Variants in ANKS1B observed in about 807,000 individuals in gnomAD.
ANKS1B encodes the protein ankyrin repeat and sterile alpha motif domain-containing protein 1B.
In ANKS1B, 36 loss-of-function variants were observed where a neutral mutation model predicts 148.3. The ratio of observed to expected loss-of-function variants is 0.24; its 90% CI spans 0.19 to 0.32. ANKS1B has a LOEUF of 0.32. Ranked by LOEUF, ANKS1B falls within the 10% of genes least tolerant of loss-of-function variation. The probability of loss-of-function intolerance (pLI) is 1.00; values close to 1 mark genes in which losing one functional copy is unlikely to be tolerated. For synonymous variants in ANKS1B, 542 were observed against 560.8 expected (o/e 0.97, Z 0.47); for missense variants, 1,157 against 1,542.6 (o/e 0.75, Z 4.19).
At chr12:98,966,128 A>G (rs1288199802) in intron 17 of ANKS1B, among the ~76,000 whole-genome samples, 1 of 152,194 alleles carries the variant, frequency 6.6e-6, no homozygotes, top group Admixed American at 6.5e-5. Flanking sequence ...AGAATGGGAG[A>G]AAATTTTTGC....
At chr12:99,154,964 A>C (rs2075832120) in intron 14 of ANKS1B, 1 of 1,535,270 alleles carries the variant, frequency 6.5e-7, no homozygotes, top group African/African-American at 1.4e-5. Flanking sequence ...GCTTCCTCCT[A>C]CACACCCATC....
intron 15 of ANKS1B, among the ~76,000 whole-genome samples, chr12:99,128,630 T>G (rs2065129035): frequency 6.6e-6 from 1 of 152,168 alleles, no homozygotes; most frequent in Non-Finnish European, 1.5e-5. Flanking sequence ...TCAAATTGGT[T>G]GAAATAAATC....
intron 9 of ANKS1B, among the ~76,000 whole-genome samples, chr12:99,640,421 G>A (rs533882370): frequency 1.3e-5 from 2 of 152,214 alleles, no homozygotes; most frequent in East Asian, 3.9e-4. Flanking sequence ...ACTATTAAAA[G>A]ATAATTAGAC....
At position 99,962,853 on chromosome 12, in the gene ANKS1B, G is replaced by A. The variant is rs184974293; in HGVS notation, c.134+21251C>T. 3.4e-4 allele frequency among the ~76,000 whole-genome samples: 46 copies of A among 135,724 alleles called. 1 individual carries two copies. The highest frequency in any genetic ancestry group is 1.2e-3 in the African/African-American group (42 of 35,796). The allele number at this position is 135,724 out of a possible 152,430, so 89.0% of individuals were successfully genotyped here. A position where few individuals can be genotyped will look rare whatever the true frequency, so the allele number is the denominator to read the frequency against. ...TTTTGAGACGGAGTCTCGCTCTGTC[G>A]CCCAGGCTGGAGTGCAGTGGCATGA... On this transcript the variant is annotated intron_variant, in intron 1 of 26. Coordinates refer to ENST00000683438, the MANE Select transcript of ANKS1B (RefSeq NM_001352186.2).
At chr12:99,505,416 T>C (rs2096700478) in intron 9 of ANKS1B, among the ~76,000 whole-genome samples, 1 of 151,942 alleles carries the variant, frequency 6.6e-6, no homozygotes. Flanking sequence ...TCTTTCCTTG[T>C]AAATACCATT....
At position 99,600,146 on chromosome 12, in the gene ANKS1B, GA is replaced by G. The variant is rs201619804; in HGVS notation, c.1272+54920del. ...AAATTATCTTATTAAAGTCAGCTCA[GA>G]AAAAAAAATAGAGCATTTAGTGTTC... On this transcript the variant is annotated intron_variant, in intron 9 of 26. Transcript: ENST00000683438. Among the ~76,000 whole-genome samples, 35 of 149,632 alleles carry G rather than the reference GA, an allele frequency of 2.3e-4. No homozygotes were observed. In the East Asian group the frequency reaches 6.5e-3, roughly 28 times the overall value.
At chr12:99,274,038 G>C (rs923564851) in intron 12 of ANKS1B, among the ~76,000 whole-genome samples, 1 of 152,018 alleles carries the variant, frequency 6.6e-6, no homozygotes, top group African/African-American at 2.4e-5. Flanking sequence ...TTATTTTTTA[G>C]GGCGGAGGAG....
At chr12:99,802,741 T>C (rs1239211769) in intron 4 of ANKS1B, among the ~76,000 whole-genome samples, 1 of 151,714 alleles carries the variant, frequency 6.6e-6, no homozygotes, top group Non-Finnish European at 1.5e-5. Flanking sequence ...AGTGAGACCT[T>C]TTCTCTACAA....
intron 14 of ANKS1B, chr12:99,155,135 A>G: frequency 6.7e-7 from 1 of 1,486,442 alleles, no homozygotes; most frequent in Non-Finnish European, 8.9e-7. Context: ...GACACCAGGA[A>G]ATGCGAAGCT....
At chr12:99,785,690 C>T (rs1401387630) in intron 4 of ANKS1B, among the ~76,000 whole-genome samples, 1 of 152,162 alleles carries the variant, frequency 6.6e-6, no homozygotes, top group African/African-American at 2.4e-5. Flanking sequence ...ACGTCAGCCT[C>T]CCAAAGTGCT....
chr12:99,054,173 C>T (rs969971953), intron 16 of ANKS1B, among the ~76,000 whole-genome samples: 23 of 152,080 alleles, frequency 1.5e-4, no homozygotes, highest in African/African-American at 5.6e-4. Context: ...CATGCCACGC[C>T]GTATATCTAA....
At chr12:99,318,621 G>T (rs888659469) in intron 12 of ANKS1B, among the ~76,000 whole-genome samples, 1 of 152,024 alleles carries the variant, frequency 6.6e-6, no homozygotes, top group Non-Finnish European at 1.5e-5. Context: ...CAAAAAACCA[G>T]CTCCTGGATT....
intron 14 of ANKS1B, among the ~76,000 whole-genome samples, chr12:99,216,159 T>G (rs1358599179): frequency 6.6e-6 from 1 of 152,244 alleles, no homozygotes; most frequent in Non-Finnish European, 1.5e-5. Context: ...GATGTGCCTT[T>G]GCACTTCGTT....
intron 14 of ANKS1B, among the ~76,000 whole-genome samples, chr12:99,211,992 A>T (rs2083402094): frequency 6.6e-6 from 1 of 152,196 alleles, no homozygotes; most frequent in South Asian, 2.1e-4. Context: ...TTCCCAGGCA[A>T]TTCAATCTGC....
intron 11 of ANKS1B, among the ~76,000 whole-genome samples, chr12:99,426,482 T>C (rs958926040): frequency 1.3e-5 from 2 of 150,570 alleles, no homozygotes; most frequent in Non-Finnish European, 3.0e-5. Context: ...CATACAACTG[T>C]TCTAAGAATT....
intron 14 of ANKS1B, among the ~76,000 whole-genome samples, chr12:99,174,776 T>C (rs996912010): frequency 2.0e-5 from 3 of 152,126 alleles, no homozygotes; most frequent in African/African-American, 4.8e-5. Context: ...CCCTTTATAT[T>C]TTACAAATAT....
intron 12 of ANKS1B, among the ~76,000 whole-genome samples, chr12:99,283,326 T>C (rs894131943): frequency 6.6e-6 from 1 of 152,180 alleles, no homozygotes; most frequent in Non-Finnish European, 1.5e-5. Context: ...TCCTCAAATA[T>C]GAACCCTATA....
At position 98,829,036 on chromosome 12, in the gene ANKS1B, G is replaced by T; in HGVS notation, c.3066+138C>A. The T allele has an allele frequency of 1.0e-6, 1 of 977,194 alleles. No homozygotes were observed. The highest frequency in any genetic ancestry group is 1.6e-6 in the Non-Finnish European group (1 of 640,076). 60.5% of individuals were successfully genotyped at this position (977,194 alleles called of 1,614,324 possible). On this transcript the variant is annotated intron_variant, in intron 19 of 26. Coordinates refer to ENST00000683438, the MANE Select transcript of ANKS1B (RefSeq NM_001352186.2). This position sits in a 1 kb window ranked among gnomAD's most constrained non-coding sequence, Gnocchi z 5.2. ...TCTCGGTCTAGTTCAGATGAGCAAG[G>T]AATGAAAGGCGGGGCATAACATGGT...
At chr12:99,653,471 T>A (rs993634178) in intron 9 of ANKS1B, among the ~76,000 whole-genome samples, 4 of 152,174 alleles carry the variant, frequency 2.6e-5, no homozygotes, top group Non-Finnish European at 5.9e-5. Flanking sequence ...CTTATGCTTG[T>A]TAATTTTCTT....
Sources: allele counts gnomAD v4.1 joint callset (sites outside exome capture counted in the v4.1 genomes callset), GRCh38; gene constraint gnomAD v4.1.1; non-coding constraint Gnocchi (gnomAD v3.1); transcripts MANE v1.5; gene names NCBI Gene and HGNC (gene_info 2026-07-23, HGNC 2026-07-21).